The following RNF150 variants were observed in gnomAD, a reference collection of about 807,000 sequenced individuals.
The protein encoded by RNF150 is ring finger protein 150.
Under a neutral mutation model 39.3 loss-of-function variants are expected in RNF150, and 24 were observed. The observed-to-expected ratio is 0.61, with a 90% CI of 0.44 to 0.86. The LOEUF is 0.86. Ranked by LOEUF, RNF150 falls within the 40% of genes least tolerant of loss-of-function variation. The probability of loss-of-function intolerance (pLI) is 0.00; values close to 1 mark genes in which losing one functional copy is unlikely to be tolerated. For synonymous variants in RNF150, 255 were observed against 227.3 expected, an observed-to-expected ratio of 1.12 and a Z score of -1.10; for missense variants, 502 against 587.8, an observed-to-expected ratio of 0.85 and a Z score of 1.51.
intron 1 of RNF150, among the ~76,000 whole-genome samples, chr4:141,024,412 A>C (rs1203363084): frequency 3.3e-5 from 5 of 152,154 alleles, no homozygotes; most frequent in Non-Finnish European, 1.5e-5. Flanking sequence ...TATTTAATTA[A>C]ACATGTAAAC....
chr4:141,111,175 CTG>C (rs1739374304), intron 1 of RNF150, among the ~76,000 whole-genome samples: 2 of 152,310 alleles, frequency 1.3e-5, no homozygotes, highest in South Asian at 4.1e-4. Context: ...GAGGAATGGT[CTG>C]TATATCTTTC....
At chr4:141,036,426 T>C (rs2110842609) in intron 1 of RNF150, among the ~76,000 whole-genome samples, 1 of 152,320 alleles carries the variant, frequency 6.6e-6, no homozygotes, top group Admixed American at 6.5e-5. Flanking sequence ...CGAACCATTT[T>C]TAAGTGTGCA....
chr4:141,093,879 T>C (rs1163316864), intron 1 of RNF150, among the ~76,000 whole-genome samples: 2 of 152,190 alleles, frequency 1.3e-5, no homozygotes, highest in Non-Finnish European at 2.9e-5. Flanking sequence ...GGCATATTAT[T>C]TTTAAGTGAA....
chr4:140,935,105 A>G (rs917921267), intron 4 of RNF150, among the ~76,000 whole-genome samples: 1 of 138,516 alleles, frequency 7.2e-6, no homozygotes, highest in Non-Finnish European at 1.5e-5. Context: ...ATATATATAA[A>G]GTGTTATAAT....
chr4:141,030,280 T>C (rs1735886352), intron 1 of RNF150, among the ~76,000 whole-genome samples: 1 of 61,624 alleles, frequency 1.6e-5, no homozygotes, highest in Non-Finnish European at 4.1e-5. Flanking sequence ...ATAATGGCTA[T>C]CAAAAAAAAA....
intron 5 of RNF150, among the ~76,000 whole-genome samples, chr4:140,925,292 C>G (rs1039213609): frequency 6.6e-6 from 1 of 152,176 alleles, no homozygotes; most frequent in African/African-American, 2.4e-5. Flanking sequence ...TCACCTGATA[C>G]AGTTCTGGGA....
At chr4:140,970,037 A>G (rs993509238) in intron 1 of RNF150, among the ~76,000 whole-genome samples, 10 of 152,056 alleles carry the variant, frequency 6.6e-5, no homozygotes, top group African/African-American at 2.2e-4. Context: ...GTGCTGGGAT[A>G]ACAGGCCTGA....
intron 1 of RNF150, among the ~76,000 whole-genome samples, chr4:141,151,269 A>G (rs574207823): frequency 8.5e-5 from 13 of 152,198 alleles, no homozygotes; most frequent in African/African-American, 3.1e-4. Flanking sequence ...TAGTTGTATA[A>G]GAGTTGTTAG....
intron 1 of RNF150, among the ~76,000 whole-genome samples, chr4:141,148,702 A>G (rs1727243540): frequency 6.6e-6 from 1 of 152,150 alleles, no homozygotes; most frequent in African/African-American, 2.4e-5. Flanking sequence ...TGGCCTCCCA[A>G]AGTGCTAGGA....
chr4:140,878,123 A>G (rs1729228346), intron 6 of RNF150, among the ~76,000 whole-genome samples: 1 of 149,134 alleles, frequency 6.7e-6, no homozygotes, highest in Non-Finnish European at 1.5e-5. Flanking sequence ...ATTTATTTTT[A>G]ATATTAGTCA....
intron 6 of RNF150, among the ~76,000 whole-genome samples, chr4:140,901,973 A>G (rs1488357587): frequency 1.3e-5 from 2 of 152,188 alleles, no homozygotes; most frequent in Non-Finnish European, 2.9e-5. Context: ...GCAGGGAGAA[A>G]GATGCAGAGG....
intron 6 of RNF150, among the ~76,000 whole-genome samples, chr4:140,885,265 A>G (rs1171599912): frequency 7.1e-6 from 1 of 140,352 alleles, no homozygotes; most frequent in Non-Finnish European, 1.5e-5. Flanking sequence ...CAGTGGTGTG[A>G]CCTCAGCTCA....
chr4:141,158,777 G>A (rs1453622701), intron 1 of RNF150, among the ~76,000 whole-genome samples: 1 of 151,992 alleles, frequency 6.6e-6, no homozygotes. Flanking sequence ...ATATTCCAAG[G>A]AAGAACTATC....
chr4:141,093,383 G>A (rs1422580638), intron 1 of RNF150, among the ~76,000 whole-genome samples: 1 of 151,528 alleles, frequency 6.6e-6, no homozygotes, highest in Admixed American at 6.6e-5. Flanking sequence ...AAAAAAGGGG[G>A]GGGAAAGGGA....
At chr4:140,870,248 A>G (rs1256374542) in intron 6 of RNF150, among the ~76,000 whole-genome samples, 3 of 152,166 alleles carry the variant, frequency 2.0e-5, no homozygotes, top group African/African-American at 7.2e-5. Flanking sequence ...GTTCATAGCA[A>G]TGTAACAGAT....
intron 5 of RNF150, among the ~76,000 whole-genome samples, chr4:140,912,363 A>C (rs1730639260): frequency 6.6e-6 from 1 of 152,178 alleles, no homozygotes; most frequent in Non-Finnish European, 1.5e-5. Context: ...ACAGCTGTTA[A>C]TTTCTTTTGC....
upstream of RNF150, among the ~76,000 whole-genome samples, chr4:141,136,517 C>T (rs1727029738): frequency 6.6e-6 from 1 of 152,208 alleles, no homozygotes; most frequent in Non-Finnish European, 1.5e-5. Context: ...AACCCTGCTA[C>T]TCTTTTTTCC....
intron 4 of RNF150, among the ~76,000 whole-genome samples, chr4:140,940,688 T>A (rs1732046270): frequency 1.3e-5 from 2 of 152,212 alleles, no homozygotes; most frequent in South Asian, 4.1e-4. Flanking sequence ...AATGATGCCA[T>A]GGCAATGATC....
chr4:141,190,083 A>G (rs1728078133), intron 1 of RNF150, among the ~76,000 whole-genome samples: 1 of 152,110 alleles, frequency 6.6e-6, no homozygotes, highest in Admixed American at 6.5e-5. Flanking sequence ...TAAGGGAGGT[A>G]GTTCACTGGC....
Sources: allele counts gnomAD v4.1 joint callset (sites outside exome capture counted in the v4.1 genomes callset), GRCh38; gene constraint gnomAD v4.1.1; transcripts MANE v1.5; gene names NCBI Gene and HGNC (gene_info 2026-07-23, HGNC 2026-07-21).